Variants in ZNF385B observed in about 807,000 individuals in gnomAD.
ZNF385B encodes the protein zinc finger protein 533.
ZNF385B carries 23 observed loss-of-function variants against 39.2 expected under a neutral mutation model. The observed-to-expected ratio is 0.59, with a 90% CI of 0.42 to 0.83. ZNF385B has a LOEUF of 0.83. ZNF385B is among the 40% of genes least tolerant of loss of function. ZNF385B has a pLI of 0.00. For missense variants in ZNF385B, 552 were observed against 598.9 expected (o/e 0.92, Z 0.82); for synonymous variants, 205 against 222.6 (o/e 0.92, Z 0.70).
At chr2:179,776,117 TGAATA>T (rs1348851757) in intron 1 of ZNF385B, among the ~76,000 whole-genome samples, 7 of 152,188 alleles carry the variant, frequency 4.6e-5, no homozygotes, top group African/African-American at 1.4e-4. Context: ...CATTCCTGAT[TGAATA>T]AACCCAACTT....
At chr2:179,465,465 C>T (rs2051890910) in intron 6 of ZNF385B, among the ~76,000 whole-genome samples, 1 of 152,126 alleles carries the variant, frequency 6.6e-6, no homozygotes, top group Admixed American at 6.6e-5. Context: ...CTCAACATGC[C>T]TGATACTGAA....
intron 4 of ZNF385B, among the ~76,000 whole-genome samples, chr2:179,520,588 C>A (rs555384473): frequency 6.6e-6 from 1 of 152,244 alleles, no homozygotes; most frequent in African/African-American, 2.4e-5. Flanking sequence ...CTGACAGTTA[C>A]CAGACATGGC....
intron 9 of ZNF385B, 127 bp from the exon 10 acceptor site, chr2:179,443,595 G>A (rs965218936): frequency 2.7e-6 from 2 of 747,232 alleles, no homozygotes; most frequent in Non-Finnish European, 4.5e-6. Context: ...TTCACTCTCA[G>A]AAGTCAAGAA....
chr2:179,838,217 T>C (rs1407747249), intron 1 of ZNF385B, among the ~76,000 whole-genome samples: 2 of 152,184 alleles, frequency 1.3e-5, no homozygotes, highest in Non-Finnish European at 2.9e-5. Flanking sequence ...GATAAACATT[T>C]CTCTCCATGA....
At chr2:179,725,825 A>G (rs1700971349) in intron 3 of ZNF385B, among the ~76,000 whole-genome samples, 1 of 150,718 alleles carries the variant, frequency 6.6e-6, no homozygotes, top group Admixed American at 6.6e-5. Context: ...ATATAGATAT[A>G]CATCTCAGAT....
At chr2:179,837,897 TAATTTAATAACCA>T (rs1476166845) in intron 1 of ZNF385B, among the ~76,000 whole-genome samples, 2 of 152,228 alleles carry the variant, frequency 1.3e-5, no homozygotes, top group Non-Finnish European at 2.9e-5. Context: ...ATCATCACTA[TAATTTAATAACCA>T]AAAAAATAAG....
intron 1 of ZNF385B, among the ~76,000 whole-genome samples, chr2:179,838,768 C>T (rs1708386216): frequency 1.3e-5 from 2 of 152,114 alleles, no homozygotes; most frequent in Non-Finnish European, 2.9e-5. Flanking sequence ...ATTCACTCTT[C>T]TCTGAAAAAT....
At position 179,473,349 on chromosome 2, in the gene ZNF385B, A is replaced by C. The variant is rs576899220; in HGVS notation, c.715+9923T>G. On this transcript the variant is annotated intron_variant, in intron 6 of 9. Transcript: ENST00000410066. ...TTGCATGCCAGCATGTCATGAAACG[A>C]TCATAGAGTCAAAATATAGGCAGGA... Among the ~76,000 whole-genome samples the C allele has an allele frequency of 7.2e-5, 11 of 152,338 alleles. No individual in the cohort carries two copies. The South Asian group carries it at 2.1e-3, about 29-fold the overall frequency.
intron 3 of ZNF385B, among the ~76,000 whole-genome samples, chr2:179,687,320 T>G (rs1376124600): frequency 6.6e-6 from 1 of 151,946 alleles, no homozygotes; most frequent in Non-Finnish European, 1.5e-5. Flanking sequence ...AAACATCAAC[T>G]TGAGGAATCT....
intron 3 of ZNF385B, among the ~76,000 whole-genome samples, chr2:179,729,206 T>A (rs1411274292): frequency 2.0e-5 from 3 of 150,228 alleles, no homozygotes; most frequent in African/African-American, 7.3e-5. Context: ...AAGGAAACAT[T>A]TAATTTTCTA....
intron 1 of ZNF385B, among the ~76,000 whole-genome samples, chr2:179,791,349 T>G (rs890197271): frequency 6.6e-6 from 1 of 152,238 alleles, no homozygotes; most frequent in Non-Finnish European, 1.5e-5. Context: ...CATGTAACTT[T>G]TGAAGACTTA....
At chr2:179,446,492 A>C (rs758880048) in intron 7 of ZNF385B, 33 bp downstream of exon 7, 2 of 1,588,750 alleles carry the variant, frequency 1.3e-6, no homozygotes, top group Admixed American at 3.5e-5. Context: ...TTTTGTTATA[A>C]ACATTATTTA....
At position 179,744,605 on chromosome 2, in the gene ZNF385B, G is replaced by A. The variant is rs1023734337; in HGVS notation, c.298+24898C>T. 4.6e-5 allele frequency among the ~76,000 whole-genome samples: 7 copies of A among 151,998 alleles called. No individual in the cohort carries two copies. The East Asian group carries it at 5.8e-4, about 13-fold the overall frequency. On this transcript the variant is annotated intron_variant, in intron 3 of 9. Coordinates refer to ENST00000410066, the MANE Select transcript of ZNF385B (RefSeq NM_152520.6). Reference sequence around the variant, plus strand: ...TGTACTGGCAGTAAAAGAGGTTCTCGAGCCTTCTATCAAACAAATACACAC... The same window carrying A: ...TGTACTGGCAGTAAAAGAGGTTCTCAAGCCTTCTATCAAACAAATACACAC...
chr2:179,728,505 C>G (rs890741590), intron 3 of ZNF385B, among the ~76,000 whole-genome samples: 1 of 152,094 alleles, frequency 6.6e-6, no homozygotes. Context: ...CACACCATGA[C>G]CTCTTTTATA....
At chr2:179,644,621 A>C (rs1256433906) in intron 3 of ZNF385B, among the ~76,000 whole-genome samples, 1 of 152,208 alleles carries the variant, frequency 6.6e-6, no homozygotes, top group Non-Finnish European at 1.5e-5. Context: ...CAAGTTGCCA[A>C]CTTTTCCAAA....
intron 3 of ZNF385B, among the ~76,000 whole-genome samples, chr2:179,705,094 A>C (rs1171827946): frequency 6.6e-6 from 1 of 151,416 alleles, no homozygotes; most frequent in Non-Finnish European, 1.5e-5. Context: ...TTCTCATTCC[A>C]TAGAAAATAA....
intron 3 of ZNF385B, among the ~76,000 whole-genome samples, chr2:179,762,471 T>A (rs1703460415): frequency 6.6e-6 from 1 of 151,990 alleles, no homozygotes; most frequent in African/African-American, 2.4e-5. Context: ...GGATTACAGG[T>A]GTGAGCCACC....
intron 3 of ZNF385B, among the ~76,000 whole-genome samples, chr2:179,599,845 T>A (rs1327460879): frequency 6.6e-6 from 1 of 152,180 alleles, no homozygotes; most frequent in Non-Finnish European, 1.5e-5. Context: ...TATGGAAGTA[T>A]ATATCAGTGA....
At chr2:179,667,735 G>T (rs896193792) in intron 3 of ZNF385B, among the ~76,000 whole-genome samples, 6 of 149,932 alleles carry the variant, frequency 4.0e-5, no homozygotes, top group Non-Finnish European at 5.9e-5. Flanking sequence ...AAGAAGGAAA[G>T]GTCCCTAGAG....
Sources: gnomAD v4.1 joint callset for allele counts (sites outside exome capture counted in the v4.1 genomes callset) on GRCh38, gnomAD v4.1.1 for gene constraint, MANE v1.5 for transcripts, NCBI Gene and HGNC (gene_info 2026-07-23, HGNC 2026-07-21) for gene names.